Variants in GRM8 observed in about 807,000 individuals in gnomAD.
GRM8 encodes the protein metabotropic glutamate receptor 8.
Under a neutral mutation model 87.2 loss-of-function variants are expected in GRM8, and 47 were observed. The ratio of observed to expected loss-of-function variants is 0.54; its 90% CI spans 0.43 to 0.69. GRM8 has a LOEUF of 0.69. GRM8 is among the 30% of genes least tolerant of loss of function. GRM8 has a pLI of 0.00. For missense variants in GRM8, 1,019 were observed against 1,139.2 expected (o/e 0.89, Z 1.52); for synonymous variants, 396 against 404.5 (o/e 0.98, Z 0.25).
chr7:126,679,293 G>A (rs1346893915), intron 7 of GRM8, among the ~76,000 whole-genome samples: 1 of 152,128 alleles, frequency 6.6e-6, no homozygotes, highest in East Asian at 1.9e-4. Context: ...TTTCCCACAT[G>A]TGTATTTTAT....
In GRM8 at chr7:127,252,566, T is replaced by G. The variant is rs1587381065; in HGVS notation, c.-312+231A>C. 6.6e-6 allele frequency among the ~76,000 whole-genome samples: 1 copy of G among 152,142 alleles called. No individual in the cohort carries two copies. The highest frequency in any genetic ancestry group is 1.9e-4 in the East Asian group (1 of 5,152). ...ACTACGGACATGCAGGGCCATCTAC[T>G]TGTGCTCAGGAAAAACAAATCACTA... On this transcript the variant is annotated intron_variant, in intron 1 of 10. Coordinates refer to ENST00000339582, the MANE Select transcript of GRM8 (RefSeq NM_000845.3). This position sits in a 1 kb window ranked among gnomAD's most constrained non-coding sequence, Gnocchi z 4.9.
At chr7:126,576,671 C>A (rs1172294360) in intron 8 of GRM8, among the ~76,000 whole-genome samples, 1 of 152,196 alleles carries the variant, frequency 6.6e-6, no homozygotes, top group African/African-American at 2.4e-5. Context: ...TCAGCCCACA[C>A]TGACTGACTC....
intron 2 of GRM8, among the ~76,000 whole-genome samples, chr7:127,202,792 C>A (rs1431078961): frequency 6.6e-6 from 1 of 152,160 alleles, no homozygotes; most frequent in African/African-American, 2.4e-5. Context: ...TTGTTGACCT[C>A]TTTAAATATG....
Position 126,446,359 on chromosome 7 carries a change from G to A in GRM8, c.2444C>T (p.Thr815Ile). The A allele has an allele frequency of 1.2e-6, 2 of 1,602,944 alleles. No individual in the cohort carries two copies. The highest frequency in any genetic ancestry group is 1.7e-6 in the Non-Finnish European group (2 of 1,172,028). ...ACTCATGGAGACAGTAAGTGTTGTTGTCTGGATGTACATCTGAGGGAAGAA... is the reference window on the plus strand; with the variant it reads ...ACTCATGGAGACAGTAAGTGTTGTTATCTGGATGTACATCTGAGGGAAGAA... ...AQSAEKMYIQ[T>I]TTLTVSMSLS... Residue 815 changes from threonine (T) to isoleucine (I), a missense_variant, in exon 10 of 11, where the codon ACA becomes ATA. Transcript: ENST00000339582.
intron 9 of GRM8, among the ~76,000 whole-genome samples, chr7:126,500,013 GATCAA>G (rs1335968624): frequency 6.6e-6 from 1 of 152,020 alleles, no homozygotes; most frequent in East Asian, 1.9e-4. Context: ...TACGTAGAAA[GATCAA>G]ATCAGGCTAA....
At chr7:127,223,756 G>A (rs2116740157) in intron 2 of GRM8, among the ~76,000 whole-genome samples, 2 of 152,140 alleles carry the variant, frequency 1.3e-5, no homozygotes, top group South Asian at 4.1e-4. Context: ...CCTCCTCCTG[G>A]CAGCCAGATG....
intron 3 of GRM8, among the ~76,000 whole-genome samples, chr7:127,093,195 G>T (rs1824322739): frequency 6.6e-6 from 1 of 152,150 alleles, no homozygotes; most frequent in South Asian, 2.1e-4. Context: ...AGCCTAGAGA[G>T]ATCTGAGACT....
intron 3 of GRM8, among the ~76,000 whole-genome samples, chr7:127,064,724 C>T (rs1433384816): frequency 2.6e-5 from 4 of 152,040 alleles, no homozygotes; most frequent in Non-Finnish European, 4.4e-5. Context: ...ACAGACACTT[C>T]TCAAAAGAAG....
intron 8 of GRM8, among the ~76,000 whole-genome samples, chr7:126,563,920 A>G (rs1793961971): frequency 6.6e-6 from 1 of 152,238 alleles, no homozygotes; most frequent in Non-Finnish European, 1.5e-5. Context: ...AGAAATTTCT[A>G]AAGGCTGCAG....
At chr7:127,101,543 T>G (rs1293114098) in intron 3 of GRM8, among the ~76,000 whole-genome samples, 1 of 152,108 alleles carries the variant, frequency 6.6e-6, no homozygotes, top group African/African-American at 2.4e-5. Flanking sequence ...CATTCCCAAC[T>G]CTCTCTTGCT....
At chr7:127,007,225 C>T (rs17875068) in intron 3 of GRM8, among the ~76,000 whole-genome samples, 1,670 of 152,014 alleles carry the variant, frequency 0.011, 26 homozygotes, top group African/African-American at 0.037. Flanking sequence ...ATGGTAGATA[C>T]AGTACTTGTT....
At chr7:126,914,311 A>G (rs1389758765) in intron 3 of GRM8, among the ~76,000 whole-genome samples, 2 of 152,232 alleles carry the variant, frequency 1.3e-5, no homozygotes, top group African/African-American at 4.8e-5. Context: ...AGACTTACAC[A>G]CTGTTGGTGG....
At chr7:127,190,066 G>GTCAGCTGGCAGTTAGCTGATA (rs1316346452) in intron 2 of GRM8, among the ~76,000 whole-genome samples, 7 of 152,224 alleles carry the variant, frequency 4.6e-5, no homozygotes, top group African/African-American at 1.7e-4. Context: ...CACGTCTGCA[G>GTCAGCTGGCAGTTAGCTGATA]TCAGCTGGCA....
intron 3 of GRM8, among the ~76,000 whole-genome samples, chr7:127,038,210 A>T (rs1818027536): frequency 6.6e-6 from 1 of 152,216 alleles, no homozygotes; most frequent in African/African-American, 2.4e-5. Flanking sequence ...GCATCTAAAT[A>T]ACATAGCAAG....
intron 9 of GRM8, among the ~76,000 whole-genome samples, chr7:126,513,469 G>C (rs1470485301): frequency 6.6e-6 from 1 of 152,110 alleles, no homozygotes; most frequent in Non-Finnish European, 1.5e-5. Context: ...CTTAAACCAG[G>C]ACTTCTTAGG....
At chr7:127,124,098 A>C (rs1192195432) in intron 2 of GRM8, among the ~76,000 whole-genome samples, 1 of 152,146 alleles carries the variant, frequency 6.6e-6, no homozygotes, top group African/African-American at 2.4e-5. Flanking sequence ...CAAAAAGAAA[A>C]CATTTTCAAA....
intron 3 of GRM8, among the ~76,000 whole-genome samples, chr7:127,062,093 G>A (rs541370911): frequency 6.0e-5 from 9 of 149,492 alleles, no homozygotes; most frequent in African/African-American, 2.2e-4. Flanking sequence ...GCAGTGAGCC[G>A]ATATCGTGCC....
chr7:126,892,008 T>A (rs1801063133), intron 6 of GRM8, among the ~76,000 whole-genome samples: 1 of 140,296 alleles, frequency 7.1e-6, no homozygotes, highest in African/African-American at 2.7e-5. Flanking sequence ...ATGAAGCTCA[T>A]GTTCTTGCAG....
chr7:126,692,560 C>G (rs2151375643), intron 7 of GRM8, among the ~76,000 whole-genome samples: 1 of 152,274 alleles, frequency 6.6e-6, no homozygotes, highest in African/African-American at 2.4e-5. Flanking sequence ...AATATGCCAT[C>G]CTGGGAAGAT....
Sources: gnomAD v4.1 joint callset for allele counts (sites outside exome capture counted in the v4.1 genomes callset) on GRCh38, gnomAD v4.1.1 for gene constraint, Gnocchi (gnomAD v3.1) non-coding constraint, MANE v1.5 for transcripts, NCBI Gene and HGNC (gene_info 2026-07-23, HGNC 2026-07-21) for gene names.